DNM3: variants seen among roughly 807,000 people sequenced by gnomAD.
The protein encoded by DNM3 is dynamin 3, also known as dynamin-3.
In DNM3, 47 loss-of-function variants were observed where a neutral mutation model predicts 101.6. The ratio of observed to expected loss-of-function variants is 0.46; its 90% CI spans 0.37 to 0.59. The LOEUF (loss-of-function observed/expected upper bound fraction) is 0.59. Ranked by LOEUF, DNM3 falls within the 20% of genes least tolerant of loss-of-function variation. The probability of loss-of-function intolerance (pLI) is 0.00; values close to 1 mark genes in which losing one functional copy is unlikely to be tolerated. For synonymous variants in DNM3, 385 were observed against 387.9 expected, an observed-to-expected ratio of 0.99 and a Z score of 0.09; for missense variants, 849 against 1,085.7, an observed-to-expected ratio of 0.78 and a Z score of 3.06.
At chr1:172,320,265 G>A (rs892189325) in intron 16 of DNM3, among the ~76,000 whole-genome samples, 3 of 151,632 alleles carry the variant, frequency 2.0e-5, no homozygotes, top group Admixed American at 2.0e-4. Flanking sequence ...ATAGCATTAG[G>A]AGATATAGCT....
chr1:172,121,336 C>A (rs1407182117), intron 13 of DNM3, among the ~76,000 whole-genome samples: 1 of 152,148 alleles, frequency 6.6e-6, no homozygotes, highest in East Asian at 1.9e-4. Context: ...AATAACTGTA[C>A]ATGTGGCAGA....
intron 4 of DNM3, among the ~76,000 whole-genome samples, chr1:172,005,468 C>T (rs1408573918): frequency 6.6e-6 from 1 of 151,974 alleles, no homozygotes; most frequent in Non-Finnish European, 1.5e-5. Context: ...GCAATGTTGA[C>T]CATTGCATTA....
intron 15 of DNM3, among the ~76,000 whole-genome samples, chr1:172,304,577 C>T (rs1270291738): frequency 6.6e-6 from 1 of 152,090 alleles, no homozygotes; most frequent in Non-Finnish European, 1.5e-5. Context: ...CAAGAGAATA[C>T]ACATTCTTCT....
chr1:171,841,771 G>T lies in DNM3; in HGVS notation c.115G>T (p.Gly39Cys), dbSNP rs1448980097. The change falls in exon 1 of 21, where the codon GGC (glycine) becomes TGC (cysteine). Residue 39 changes from glycine to cysteine, a missense_variant. This residue lies in a region of DNM3 where 388 missense variants were observed against 483.0 expected (regional missense o/e 0.80). Transcript: ENST00000627582. ...GCTGCCGCAGATCGCCGTGGTGGGCGGCCAGAGCGCCGGCAAGAGCTCGGT... is the reference window on the plus strand; with the variant it reads ...GCTGCCGCAGATCGCCGTGGTGGGCTGCCAGAGCGCCGGCAAGAGCTCGGT... Reference protein sequence around the residue: ...LELPQIAVVGGQSAGKSSVLE... With the variant: ...LELPQIAVVGCQSAGKSSVLE... 1 of 1,610,378 alleles carries T rather than the reference G, an allele frequency of 6.2e-7. No homozygotes were observed. Among genetic ancestry groups the T allele is most frequent in the Non-Finnish European group, 8.5e-7 (1 of 1,179,268 alleles).
intron 14 of DNM3, among the ~76,000 whole-genome samples, chr1:172,176,610 A>C (rs1164317384): frequency 6.6e-6 from 1 of 151,858 alleles, no homozygotes; most frequent in Admixed American, 6.6e-5. Flanking sequence ...TCCCTGAGCT[A>C]GAATCACCTA....
intron 1 of DNM3, among the ~76,000 whole-genome samples, chr1:171,861,525 A>C (rs1037589941): frequency 2.0e-5 from 3 of 152,150 alleles, no homozygotes; most frequent in Non-Finnish European, 4.4e-5. Context: ...CTGGGACAGC[A>C]GTATATCCAT....
chr1:172,025,195 A>T (rs748824347), intron 4 of DNM3, among the ~76,000 whole-genome samples: 21 of 152,210 alleles, frequency 1.4e-4, no homozygotes, highest in Non-Finnish European at 1.0e-4. Flanking sequence ...GGAAGTTCCA[A>T]CTGGGTGGAG....
chr1:171,997,897 A>C (rs2046105260), intron 4 of DNM3, among the ~76,000 whole-genome samples: 1 of 152,128 alleles, frequency 6.6e-6, no homozygotes, highest in African/African-American at 2.4e-5. Context: ...TGAAATGAAC[A>C]TTTTCATGTT....
intron 17 of DNM3, among the ~76,000 whole-genome samples, chr1:172,360,599 G>A (rs2067691255): frequency 6.6e-6 from 1 of 151,984 alleles, no homozygotes; most frequent in Non-Finnish European, 1.5e-5. Context: ...GCCCCTGCAA[G>A]GGTCTAACAA....
At chr1:172,251,640 A>C (rs2062174013) in intron 14 of DNM3, among the ~76,000 whole-genome samples, 1 of 152,094 alleles carries the variant, frequency 6.6e-6, no homozygotes, top group Non-Finnish European at 1.5e-5. Flanking sequence ...TTTGGTCTTC[A>C]CGATATGCTA....
chr1:172,267,861 C>T (rs1043954381), intron 15 of DNM3, among the ~76,000 whole-genome samples: 5 of 152,146 alleles, frequency 3.3e-5, no homozygotes, highest in South Asian at 4.2e-4. Context: ...TACAGGCACC[C>T]GCCACCAAGC....
chr1:172,225,493 G>T (rs1249468552), intron 14 of DNM3, among the ~76,000 whole-genome samples: 1 of 151,892 alleles, frequency 6.6e-6, no homozygotes, highest in African/African-American at 2.4e-5. Flanking sequence ...CAGCACATAT[G>T]ATCCAAAAGG....
intron 13 of DNM3, among the ~76,000 whole-genome samples, chr1:172,105,562 T>C (rs1217912397): frequency 6.6e-6 from 1 of 152,184 alleles, no homozygotes; most frequent in Non-Finnish European, 1.5e-5. Flanking sequence ...TTATTATTCT[T>C]TTTTCAAAAA....
intron 2 of DNM3, among the ~76,000 whole-genome samples, chr1:171,954,353 A>G (rs1373345865): frequency 1.3e-5 from 2 of 152,146 alleles, no homozygotes; most frequent in Non-Finnish European, 2.9e-5. Flanking sequence ...TGTGGTTATA[A>G]TAAGCTTACT....
At chr1:172,389,790 G>A (rs2069418153) in intron 20 of DNM3, among the ~76,000 whole-genome samples, 1 of 152,190 alleles carries the variant, frequency 6.6e-6, no homozygotes, top group Non-Finnish European at 1.5e-5. Flanking sequence ...AACTGATTAT[G>A]GCACTTACGT....
At chr1:172,039,320 G>A (rs931510670) in intron 7 of DNM3, among the ~76,000 whole-genome samples, 2 of 152,052 alleles carry the variant, frequency 1.3e-5, no homozygotes, top group African/African-American at 4.8e-5. Flanking sequence ...GGCAATCAAA[G>A]CATCCTTCAA....
chr1:172,117,292 A>G (rs879411936), intron 13 of DNM3, among the ~76,000 whole-genome samples: 1 of 151,514 alleles, frequency 6.6e-6, no homozygotes, highest in Non-Finnish European at 1.5e-5. Context: ...TAAAATGTGC[A>G]TGGCTCTTAT....
At chr1:172,037,295 T>A (rs2049041872) in intron 6 of DNM3, among the ~76,000 whole-genome samples, 1 of 152,210 alleles carries the variant, frequency 6.6e-6, no homozygotes, top group Admixed American at 6.5e-5. Flanking sequence ...ACTGGGTATA[T>A]ACCCAAAGGA....
At chr1:172,364,910 G>A (rs2067929336) in intron 17 of DNM3, among the ~76,000 whole-genome samples, 1 of 151,856 alleles carries the variant, frequency 6.6e-6, no homozygotes, top group Non-Finnish European at 1.5e-5. Flanking sequence ...TAAGTTTCTT[G>A]AAGCCTCCCC....
Sources: allele counts gnomAD v4.1 joint callset (sites outside exome capture counted in the v4.1 genomes callset), GRCh38; gene constraint gnomAD v4.1.1; regional missense constraint gnomAD v4.1.1; transcripts MANE v1.5; gene names NCBI Gene and HGNC (gene_info 2026-07-23, HGNC 2026-07-21).